NGF: variants seen among roughly 807,000 people sequenced by gnomAD.
NGF encodes the protein nerve growth factor.
NGF carries 4 observed loss-of-function variants against 12.8 expected under a neutral mutation model. That is an observed-to-expected ratio of 0.31 (90% CI 0.15 to 0.72). The LOEUF (loss-of-function observed/expected upper bound fraction) is 0.72. Among genes scored for constraint, NGF ranks in the 30% least tolerant of loss-of-function variants. The pLI is 0.69. For missense variants in NGF, 283 were observed against 330.8 expected (o/e 0.86, Z 1.12); for synonymous variants, 140 against 130.0 (o/e 1.08, Z -0.52).
intron 1 of NGF, among the ~76,000 whole-genome samples, chr1:115,326,541 C>A (rs201630649): frequency 1.3e-5 from 2 of 152,160 alleles, no homozygotes; most frequent in East Asian, 3.8e-4. Flanking sequence ...CCTTGGAAAG[C>A]CTGTTTCCAC....
intron 1 of NGF, among the ~76,000 whole-genome samples, chr1:115,301,160 G>A (rs1405912832): frequency 6.6e-6 from 1 of 152,040 alleles, no homozygotes. Context: ...AGTCTGCATT[G>A]GGGAAATTTA....
intron 2 of NGF, among the ~76,000 whole-genome samples, chr1:115,289,190 C>A (rs529464188): frequency 1.2e-4 from 18 of 152,260 alleles, no homozygotes; most frequent in South Asian, 4.2e-4. Flanking sequence ...GGCAGCAAAT[C>A]TAAACCTTTT....
At chr1:115,304,506 C>T (rs1654142779) in intron 1 of NGF, among the ~76,000 whole-genome samples, 1 of 151,590 alleles carries the variant, frequency 6.6e-6, no homozygotes, top group South Asian at 2.1e-4. Flanking sequence ...AATTATGTAC[C>T]TTCGTCCTCC....
At chr1:115,333,001 C>A (rs1347728593) in intron 1 of NGF, among the ~76,000 whole-genome samples, 1 of 152,168 alleles carries the variant, frequency 6.6e-6, no homozygotes, top group African/African-American at 2.4e-5. Context: ...CTAGACTGAG[C>A]AAGTGAGACA....
At chr1:115,321,977 A>G (rs1361723088) in intron 1 of NGF, among the ~76,000 whole-genome samples, 3 of 152,256 alleles carry the variant, frequency 2.0e-5, no homozygotes, top group Non-Finnish European at 2.9e-5. Flanking sequence ...TGGCCCTTGC[A>G]GTAAGAGTTC....
At position 115,286,535 on chromosome 1, in the gene NGF, C is replaced by A; in HGVS notation, c.261G>T (p.Val87=). 6.2e-7 allele frequency: 1 copy of A among 1,614,226 alleles called. No homozygotes were observed. Among genetic ancestry groups the A allele is most frequent in the South Asian group, 1.1e-5 (1 of 91,082 alleles). The part of the protein sequence containing the change: ...FKKRRLRSPR[V]LFSTQPPREA... ...CACGGGGAGGCTGGGTGCTAAACAG[C>A]ACACGGGGTGAACGGAGTCGCCGCT... The change falls in exon 3 of 3, where the codon GTG becomes GTT. Residue 87 remains valine, a synonymous_variant. Transcript: ENST00000369512.
chr1:115,304,329 A>ATTTTTTTTTTTTTTTTTTTTTTTTTTTT lies in NGF; in HGVS notation c.-136-10580_-136-10579insAAAAAAAAAAAAAAAAAAAAAAAAAAAA, dbSNP rs58345237. On this transcript the variant is annotated intron_variant, in intron 1 of 2. Transcript: ENST00000369512. ...AGGAGCGCACCACCATGCTTGGCTAATTTTTTTTTTTTTTTTGTATTTTTA... is the reference window on the plus strand; with the variant it reads ...AGGAGCGCACCACCATGCTTGGCTAATTTTTTTTTTTTTTTTTTTTTTTTTTTTTTTTTTTTTTTTTTTTGTATTTTTA... Among the ~76,000 whole-genome samples the ATTTTTTTTTTTTTTTTTTTTTTTTTTTT allele has an allele frequency of 1.4e-3, 117 of 80,782 alleles. 9 individuals carry two copies. The highest frequency in any genetic ancestry group is 2.0e-3 in the Non-Finnish European group (78 of 39,558). The allele number at this position is 80,782 out of a possible 152,430, so 53.0% of individuals were successfully genotyped here. A position where few individuals can be genotyped will look rare whatever the true frequency, so the allele number is the denominator to read the frequency against.
intron 1 of NGF, among the ~76,000 whole-genome samples, chr1:115,308,533 T>G (rs1169076035): frequency 1.3e-5 from 2 of 152,296 alleles, no homozygotes; most frequent in Middle Eastern, 3.4e-3. Flanking sequence ...TACTTCAACA[T>G]GAGGTTTCTA....
intron 1 of NGF, among the ~76,000 whole-genome samples, chr1:115,317,586 G>A (rs1654505922): frequency 6.6e-6 from 1 of 152,206 alleles, no homozygotes; most frequent in African/African-American, 2.4e-5. Context: ...AGGAAACAAT[G>A]CCACTGTGTT....
intron 2 of NGF, among the ~76,000 whole-genome samples, chr1:115,292,208 AGGTGTCCTG>A (rs1653724346): frequency 6.6e-6 from 1 of 152,102 alleles, no homozygotes; most frequent in South Asian, 2.1e-4. Flanking sequence ...GGTACTTCAG[AGGTGTCCTG>A]GGGTGGGCTG....
chr1:115,335,397 A>G (rs892645957), intron 1 of NGF, among the ~76,000 whole-genome samples: 1 of 152,154 alleles, frequency 6.6e-6, no homozygotes. Context: ...TATTTACCCA[A>G]TGCCAGTGTA....
At chr1:115,333,655 C>CTCTT (rs368041850) in intron 1 of NGF, among the ~76,000 whole-genome samples, 1,594 of 135,094 alleles carry the variant, frequency 0.012, 37 homozygotes, top group Non-Finnish European at 0.018. Flanking sequence ...TTCTTTCTTT[C>CTCTT]TCTTTCTTTC....
intron 1 of NGF, among the ~76,000 whole-genome samples, chr1:115,310,993 C>T (rs1291447269): frequency 1.3e-5 from 2 of 152,110 alleles, no homozygotes; most frequent in Non-Finnish European, 2.9e-5. Context: ...GTGTATGGCT[C>T]ACTTACGCTT....
chr1:115,292,161 G>A (rs1653723217), intron 2 of NGF, among the ~76,000 whole-genome samples: 1 of 152,212 alleles, frequency 6.6e-6, no homozygotes, highest in Non-Finnish European at 1.5e-5. Flanking sequence ...GGTGTGGAGT[G>A]TGGGAGGAAT....
chr1:115,330,140 C>T (rs1056833932), intron 1 of NGF, among the ~76,000 whole-genome samples: 1 of 152,110 alleles, frequency 6.6e-6, no homozygotes, highest in African/African-American at 2.4e-5. Context: ...TTAGTGGATG[C>T]TGGGCAGCAT....
intron 2 of NGF, among the ~76,000 whole-genome samples, chr1:115,289,625 C>G (rs1653622165): frequency 6.6e-6 from 1 of 152,194 alleles, no homozygotes; most frequent in Non-Finnish European, 1.5e-5. Context: ...TCTTCATACT[C>G]ATAATCATAA....
At chr1:115,337,256 GTTTTGTTTTTGTTTTTTTTTTTTTTT>G (rs1655136788) in intron 1 of NGF, among the ~76,000 whole-genome samples, 1 of 27,200 alleles carries the variant, frequency 3.7e-5, no homozygotes, top group Non-Finnish European at 8.2e-5. Context: ...AATTTTTTTT[GTTTTGTTTTTGTTTTTTTTTTTTTTT>G]TTTTTTTTTT....
chr1:115,296,854 C>A lies in NGF; in HGVS notation c.-136-3104G>T, dbSNP rs1319648875. 2.0e-5 allele frequency among the ~76,000 whole-genome samples: 3 copies of A among 152,212 alleles called. No homozygotes were observed. The East Asian group carries it at 5.8e-4, about 29-fold the overall frequency. On this transcript the variant is annotated intron_variant, in intron 1 of 2. Transcript: ENST00000369512. ...AATTTCTAATGCAAAGGCATTGGGA[C>A]AAACAACCCAAATGCATATCTATTT...
intron 1 of NGF, among the ~76,000 whole-genome samples, chr1:115,333,878 C>G (rs1655032094): frequency 6.7e-6 from 1 of 149,744 alleles, no homozygotes; most frequent in Non-Finnish European, 1.5e-5. Flanking sequence ...CATTTGAAAT[C>G]AGCGCCAAGC....
Sources: gnomAD v4.1 joint callset for allele counts (sites outside exome capture counted in the v4.1 genomes callset) on GRCh38, gnomAD v4.1.1 for gene constraint, MANE v1.5 for transcripts, NCBI Gene and HGNC (gene_info 2026-07-23, HGNC 2026-07-21) for gene names.